CSMD1: variants seen among roughly 807,000 people sequenced by gnomAD.
CSMD1 encodes the protein CUB and sushi domain-containing protein 1.
CSMD1 carries 213 observed loss-of-function variants against 417.5 expected under a neutral mutation model. That is an observed-to-expected ratio of 0.51 (90% CI 0.46 to 0.57). The LOEUF is 0.57. CSMD1 is among the 20% of genes least tolerant of loss of function. CSMD1 has a pLI of 0.00. For synonymous variants in CSMD1, 2,862 were observed against 1,736.8 expected (o/e 1.65, Z -16.11); for missense variants, 6,923 against 4,529.7 (o/e 1.53, Z -15.17).
chr8:4,494,106 G>T (rs1022201412), intron 2 of CSMD1, among the ~76,000 whole-genome samples: 1 of 152,114 alleles, frequency 6.6e-6, no homozygotes, highest in Non-Finnish European at 1.5e-5. Flanking sequence ...GGGAGGTGTA[G>T]AAAAATGAAG....
At chr8:3,550,097 C>T (rs1032148838) in intron 10 of CSMD1, among the ~76,000 whole-genome samples, 2 of 152,134 alleles carry the variant, frequency 1.3e-5, no homozygotes, top group African/African-American at 4.8e-5. Context: ...AAGCAAAGCA[C>T]AGAGCCGATA....
intron 7 of CSMD1, among the ~76,000 whole-genome samples, chr8:3,649,301 G>A (rs1158466452): frequency 1.3e-5 from 2 of 152,130 alleles, no homozygotes; most frequent in African/African-American, 4.8e-5. Context: ...AAAAAAACAT[G>A]AAACTCTTAC....
chr8:4,662,846 T>C (rs1343219731), intron 1 of CSMD1, among the ~76,000 whole-genome samples: 1 of 152,162 alleles, frequency 6.6e-6, no homozygotes, highest in African/African-American at 2.4e-5. Flanking sequence ...GGCAGGACAC[T>C]TGTCATGGTG....
chr8:4,099,511 CG>C (rs1008316099), intron 3 of CSMD1, among the ~76,000 whole-genome samples: 1 of 152,012 alleles, frequency 6.6e-6, no homozygotes, highest in Non-Finnish European at 1.5e-5. Context: ...CTGTTCACTA[CG>C]GATTGTGCCA....
At chr8:3,155,359 A>ATTTTTTTTTTTTTTTTT (rs556304192) in intron 39 of CSMD1, among the ~76,000 whole-genome samples, 1,721 of 43,276 alleles carry the variant, frequency 0.04, 600 homozygotes, top group East Asian at 0.062. Flanking sequence ...CAAGGCTGGG[A>ATTTTTTTTTTTTTTTTT]TTTTTTTTTT....
chr8:4,234,516 A>G (rs908071950), intron 3 of CSMD1, among the ~76,000 whole-genome samples: 8 of 152,140 alleles, frequency 5.3e-5, no homozygotes, highest in South Asian at 2.1e-4. Context: ...TCTACACTAG[A>G]TATCACTCCT....
At chr8:3,997,166 A>G (rs1256055304) in intron 5 of CSMD1, among the ~76,000 whole-genome samples, 2 of 152,254 alleles carry the variant, frequency 1.3e-5, no homozygotes, top group Non-Finnish European at 2.9e-5. Context: ...ACAATTTTAC[A>G]TGCAACAAAT....
chr8:4,044,741 G>GTCAT (rs61231261), intron 3 of CSMD1, among the ~76,000 whole-genome samples: 12 of 152,124 alleles, frequency 7.9e-5, no homozygotes, highest in Admixed American at 7.9e-4. Flanking sequence ...TACCACCCTG[G>GTCAT]GCATGTACCA....
At chr8:4,739,149 C>CTT (rs1810439814) in intron 1 of CSMD1, among the ~76,000 whole-genome samples, 1 of 152,232 alleles carries the variant, frequency 6.6e-6, no homozygotes, top group Admixed American at 6.5e-5. Flanking sequence ...CGCATACACA[C>CTT]ACTTTACTTC....
intron 10 of CSMD1, among the ~76,000 whole-genome samples, chr8:3,496,121 A>G (rs1796354074): frequency 6.6e-6 from 1 of 152,068 alleles, no homozygotes; most frequent in African/African-American, 2.4e-5. Flanking sequence ...ATGTGTTCTC[A>G]TTGTTCAGCT....
chr8:3,512,784 T>C (rs1274224331), intron 10 of CSMD1, among the ~76,000 whole-genome samples: 1 of 151,922 alleles, frequency 6.6e-6, no homozygotes, highest in African/African-American at 2.4e-5. Context: ...TTTTTATTTT[T>C]TACTAGAGAC....
chr8:4,679,894 T>G (rs1584936077), intron 1 of CSMD1, among the ~76,000 whole-genome samples: 1 of 152,196 alleles, frequency 6.6e-6, no homozygotes, highest in African/African-American at 2.4e-5. Flanking sequence ...AATGCTCATT[T>G]AATTTTAAAA....
At chr8:4,468,408 G>A (rs1370393503) in intron 2 of CSMD1, among the ~76,000 whole-genome samples, 2 of 152,070 alleles carry the variant, frequency 1.3e-5, no homozygotes, top group Non-Finnish European at 2.9e-5. Context: ...CCTTTAGCAG[G>A]GTAGACAACA....
chr8:3,729,833 C>T lies in CSMD1; in HGVS notation c.932-21342G>A, dbSNP rs539492791. Among the ~76,000 whole-genome samples, 33 of 149,752 alleles carry T rather than the reference C, an allele frequency of 2.2e-4. No individual in the cohort carries two copies. The South Asian group carries it at 6.6e-3, about 30-fold the overall frequency. On this transcript the variant is annotated intron_variant, in intron 6 of 69. Coordinates refer to ENST00000635120, the MANE Select transcript of CSMD1 (RefSeq NM_033225.6). ...TTCTACAGCATATTTATAAACAAGG[C>T]ACCTTGCATATTCCATGTATTGAAG...
chr8:2,950,567 C>G (rs992806572), intron 66 of CSMD1, among the ~76,000 whole-genome samples: 10 of 152,090 alleles, frequency 6.6e-5, no homozygotes, highest in Non-Finnish European at 1.2e-4. Flanking sequence ...ATAATCCACT[C>G]CACTAAGTTC....
chr8:4,402,630 A>C (rs952566464), intron 3 of CSMD1, among the ~76,000 whole-genome samples: 4 of 152,100 alleles, frequency 2.6e-5, no homozygotes, highest in African/African-American at 9.7e-5. Flanking sequence ...TTAATCTTGC[A>C]AGACCTATCC....
intron 1 of CSMD1, among the ~76,000 whole-genome samples, chr8:4,793,667 C>G (rs1390067191): frequency 1.3e-5 from 2 of 152,004 alleles, no homozygotes; most frequent in Admixed American, 6.6e-5. Context: ...GTTGACGCCT[C>G]TGCTCAGGAG....
At chr8:3,546,649 A>C (rs1325061706) in intron 10 of CSMD1, among the ~76,000 whole-genome samples, 2 of 152,180 alleles carry the variant, frequency 1.3e-5, no homozygotes, top group African/African-American at 2.4e-5. Context: ...TAAAACAAAA[A>C]AAAATTACTC....
At chr8:4,165,151 C>T (rs1797382900) in intron 3 of CSMD1, among the ~76,000 whole-genome samples, 1 of 152,094 alleles carries the variant, frequency 6.6e-6, no homozygotes, top group Non-Finnish European at 1.5e-5. Context: ...ATTTCAGCCT[C>T]CACTGCTTAA....
Sources: gnomAD v4.1 joint callset for allele counts (sites outside exome capture counted in the v4.1 genomes callset) on GRCh38, gnomAD v4.1.1 for gene constraint, MANE v1.5 for transcripts, NCBI Gene and HGNC (gene_info 2026-07-23, HGNC 2026-07-21) for gene names.